NBEA: variants seen among roughly 807,000 people sequenced by gnomAD.
NBEA encodes neurobeachin, also known as lysosomal-trafficking regulator 2.
NBEA carries 44 observed loss-of-function variants against 343.4 expected under a neutral mutation model. The ratio of observed to expected loss-of-function variants is 0.13; its 90% CI spans 0.10 to 0.16. The LOEUF (loss-of-function observed/expected upper bound fraction) is 0.16, where lower values mean the gene tolerates loss of function less well. Among genes scored for constraint, NBEA ranks in the 10% least tolerant of loss-of-function variants. The probability of loss-of-function intolerance (pLI) is 1.00; values close to 1 mark genes in which losing one functional copy is unlikely to be tolerated. For missense variants in NBEA, 2,555 were observed against 3,631.3 expected, an observed-to-expected ratio of 0.70 and a Z score of 7.62; for synonymous variants, 1,175 against 1,238.7, an observed-to-expected ratio of 0.95 and a Z score of 1.08.
chr13:35,406,256 A>G (rs58889196), intron 38 of NBEA, among the ~76,000 whole-genome samples: 4,493 of 150,598 alleles, frequency 0.03, 189 homozygotes, highest in African/African-American at 0.087. Context: ...TTTTTCCTCA[A>G]TGGCTTCACC....
intron 33 of NBEA, among the ~76,000 whole-genome samples, chr13:35,228,567 G>T (rs1240237439): frequency 2.6e-5 from 4 of 151,910 alleles, no homozygotes; most frequent in South Asian, 2.1e-4. Flanking sequence ...CCAGCCTCCA[G>T]TGTCTATCAT....
In NBEA at chr13:35,308,576, G is replaced by A. The variant is rs868463949; in HGVS notation, c.5839-952G>A. ...TATATATGTATATATGTATATATAT[G>A]TATATATGTATATATGTATATATGT... On this transcript the variant is annotated intron_variant, in intron 35 of 58. Coordinates refer to ENST00000379939, the MANE Select transcript of NBEA (RefSeq NM_001385012.1). Among the ~76,000 whole-genome samples the A allele has an allele frequency of 8.6e-4, 102 of 118,384 alleles. 1 individual carries two copies. The highest frequency in any genetic ancestry group is 3.3e-3 in the African/African-American group (93 of 28,350). The allele number at this position is 118,384 out of a possible 152,430, so 77.7% of individuals were successfully genotyped here.
chr13:35,118,455 G>T lies in NBEA; in HGVS notation c.2224G>T (p.Asp742Tyr). 1 of 1,601,268 alleles carries T rather than the reference G, an allele frequency of 6.2e-7. No individual in the cohort carries two copies. Among genetic ancestry groups the T allele is most frequent in the South Asian group, 1.1e-5 (1 of 89,068 alleles). The change falls in exon 16 of 59, where the codon GAT becomes TAT. Residue 742 changes from aspartate (D) to tyrosine (Y), a missense_variant. This residue lies in a region of NBEA where 360 missense variants were observed against 519.1 expected (regional missense o/e 0.69). Coordinates refer to ENST00000379939, the MANE Select transcript of NBEA (RefSeq NM_001385012.1). ...CCCAGCCTCAATGATACCAGCATTT[G>T]ATCAAAGAAATGGAATAAGGTATGA... Reference protein sequence around the residue: ...EHPASMIPAFDQRNGIRVIYK... With the variant: ...EHPASMIPAFYQRNGIRVIYK...
chr13:35,259,719 T>A (rs990406513), intron 34 of NBEA, among the ~76,000 whole-genome samples: 2 of 152,172 alleles, frequency 1.3e-5, no homozygotes, highest in African/African-American at 4.8e-5. Flanking sequence ...AGATAATCAT[T>A]TGAATTTTTA....
intron 1 of NBEA, among the ~76,000 whole-genome samples, chr13:35,012,352 C>T (rs1241992283): frequency 2.0e-5 from 3 of 152,306 alleles, no homozygotes; most frequent in Admixed American, 2.0e-4. Context: ...ATGATAGTGG[C>T]ATTAATCAAC....
At chr13:34,950,749 A>G (rs1593263152) in intron 1 of NBEA, among the ~76,000 whole-genome samples, 1 of 152,210 alleles carries the variant, frequency 6.6e-6, no homozygotes, top group South Asian at 2.1e-4. Flanking sequence ...CACTTTGGCT[A>G]AATAAGAACA....
rs2044794317 is a variant in NBEA at position 35,427,718 on chromosome 13, C to T, written c.6180-4551C>T. Among the ~76,000 whole-genome samples the T allele has an allele frequency of 2.0e-5, 3 of 152,204 alleles. No homozygotes were observed. The South Asian group carries it at 6.2e-4, about 31-fold the overall frequency. ...ACTGCTGTCTTTTTGTTTGTCTGTG[C>T]CCTGCCTGCAGAAGTGGAGCCTACA... On this transcript the variant is annotated intron_variant, in intron 38 of 58. Transcript: ENST00000379939.
intron 41 of NBEA, chr13:35,476,278 T>A: frequency 7.1e-7 from 1 of 1,407,540 alleles, no homozygotes. Flanking sequence ...CTTTCGGAAG[T>A]GCTGCAGCGT....
intron 40 of NBEA, among the ~76,000 whole-genome samples, chr13:35,456,736 T>G (rs2046600633): frequency 6.6e-6 from 1 of 151,990 alleles, no homozygotes; most frequent in Admixed American, 6.6e-5. Flanking sequence ...TTCATTTCTT[T>G]TAGAATGGTA....
Position 35,516,322 on chromosome 13 carries a change from A to T in NBEA, c.6586-34155A>T, listed in dbSNP as rs930683915. Reference sequence around the variant, plus strand: ...ATAGCCAGATAATAATCAAGAGTGTAATGTGTATCATACACAGACATGCAT... The same window carrying T: ...ATAGCCAGATAATAATCAAGAGTGTTATGTGTATCATACACAGACATGCAT... On this transcript the variant is annotated intron_variant, in intron 41 of 58. Coordinates refer to ENST00000379939, the MANE Select transcript of NBEA (RefSeq NM_001385012.1). Among the ~76,000 whole-genome samples, 5 of 152,328 alleles carry T rather than the reference A, an allele frequency of 3.3e-5. No homozygotes were observed. In the East Asian group the frequency reaches 9.6e-4, roughly 29 times the overall value.
At chr13:35,436,894 A>G (rs190807851) in intron 39 of NBEA, among the ~76,000 whole-genome samples, 12 of 152,290 alleles carry the variant, frequency 7.9e-5, no homozygotes, top group East Asian at 7.7e-4. Context: ...TTAGTTATCA[A>G]AGTTTTCAGA....
At chr13:35,658,588 C>T (rs1003203767) in intron 55 of NBEA, among the ~76,000 whole-genome samples, 5 of 152,048 alleles carry the variant, frequency 3.3e-5, no homozygotes, top group African/African-American at 1.2e-4. Flanking sequence ...AACTGTTTCT[C>T]CTGCTTGGAT....
intron 38 of NBEA, among the ~76,000 whole-genome samples, chr13:35,391,570 G>A (rs1336852287): frequency 6.6e-6 from 1 of 152,114 alleles, no homozygotes; most frequent in Non-Finnish European, 1.5e-5. Flanking sequence ...GCATACTTAA[G>A]CTTTGCTTAA....
intron 38 of NBEA, among the ~76,000 whole-genome samples, chr13:35,365,882 T>C (rs1476201119): frequency 6.6e-6 from 1 of 151,694 alleles, no homozygotes; most frequent in Non-Finnish European, 1.5e-5. Context: ...CTATATTATA[T>C]GCACACTCAA....
At position 35,022,005 on chromosome 13, in the gene NBEA, A is replaced by G. The variant is rs73487673; in HGVS notation, c.295-18928A>G. 6.0e-3 allele frequency among the ~76,000 whole-genome samples: 913 copies of G among 152,246 alleles called. 9 individuals carry two copies. Among genetic ancestry groups the G allele is most frequent in the African/African-American group, 0.021 (875 of 41,546 alleles). On this transcript the variant is annotated intron_variant, in intron 1 of 58. Coordinates refer to ENST00000379939, the MANE Select transcript of NBEA (RefSeq NM_001385012.1). ...CTTACATTTCTCATAGTAAAAGTCT[A>G]TGAGCAACAAATTCTGTCTTGTAGT...
rs750815020 is a variant in NBEA, at chr13:35,550,924, C to T, written c.6704-6C>T. 1 of 1,571,352 alleles carries T rather than the reference C, an allele frequency of 6.4e-7. No individual in the cohort carries two copies. Among genetic ancestry groups the T allele is most frequent in the Non-Finnish European group, 8.7e-7 (1 of 1,147,060 alleles). Reference sequence around the variant, plus strand: ...CTAAACTCTGTTTTTTTTCTTCTTACCACAGCCTCAGTTATGTTTAATTTC... The same window carrying T: ...CTAAACTCTGTTTTTTTTCTTCTTATCACAGCCTCAGTTATGTTTAATTTC... On this transcript the variant is annotated splice_polypyrimidine_tract_variant and splice_region_variant and intron_variant, in intron 42 of 58. Coordinates refer to ENST00000379939, the MANE Select transcript of NBEA (RefSeq NM_001385012.1).
At position 34,942,906 on chromosome 13, in the gene NBEA, G is replaced by GCAC. The variant is rs753739424; in HGVS notation, c.87_88insACC (p.Gly29_Gly30insThr). 1.3e-6 allele frequency: 2 copies of GCAC among 1,483,724 alleles called. No individual in the cohort carries two copies. Among genetic ancestry groups the GCAC allele is most frequent in the African/African-American group, 2.9e-5 (2 of 69,644 alleles). The allele number at this position is 1,483,724 out of a possible 1,614,324, so 91.9% of individuals were successfully genotyped here. A position where few individuals can be genotyped will look rare whatever the true frequency, so the allele number is the denominator to read the frequency against. On this transcript the variant is annotated inframe_insertion, in exon 1 of 59. Transcript: ENST00000379939. ...GCCGTCGGGGCCGCTGGCGGAGGCG[G>GCAC]CGGGGGCAGCGGTGGTGGCGGCACC...
chr13:35,223,550 T>TC (rs1298082667), intron 33 of NBEA, among the ~76,000 whole-genome samples: 6 of 152,222 alleles, frequency 3.9e-5, no homozygotes, highest in African/African-American at 1.2e-4. Flanking sequence ...CTGAATGCCT[T>TC]CTTCAGATTT....
chr13:35,239,833 T>C (rs188364586), intron 34 of NBEA, among the ~76,000 whole-genome samples: 1 of 138,836 alleles, frequency 7.2e-6, no homozygotes, highest in East Asian at 1.9e-4. Flanking sequence ...TGGGACTTTA[T>C]CATAGAGAAA....
Sources: gnomAD v4.1 joint callset for allele counts (sites outside exome capture counted in the v4.1 genomes callset) on GRCh38, gnomAD v4.1.1 for gene constraint, gnomAD v4.1.1 regional missense constraint, MANE v1.5 for transcripts, NCBI Gene and HGNC (gene_info 2026-07-23, HGNC 2026-07-21) for gene names.